Variants in DNAI4 observed in about 807,000 individuals in gnomAD.
The protein encoded by DNAI4 is WD repeat domain 78.
In DNAI4, 85 loss-of-function variants were observed where a neutral mutation model predicts 105.8. That is an observed-to-expected ratio of 0.80 (90% CI 0.67 to 0.96). The LOEUF is 0.96. Ranked by LOEUF, DNAI4 falls within the 40% of genes least tolerant of loss-of-function variation. DNAI4 has a pLI of 0.00. For missense variants in DNAI4, 1,014 were observed against 1,005.6 expected, an observed-to-expected ratio of 1.01 and a Z score of -0.11; for synonymous variants, 352 against 331.5, an observed-to-expected ratio of 1.06 and a Z score of -0.67.
At chr1:66,852,209 T>C (rs1208166835) in intron 7 of DNAI4, among the ~76,000 whole-genome samples, 2 of 151,722 alleles carry the variant, frequency 1.3e-5, no homozygotes, top group African/African-American at 4.8e-5. Context: ...TAATATAATT[T>C]GAATATTAAG....
chr1:66,924,734 C>T lies in DNAI4; in HGVS notation c.98G>A (p.Cys33Tyr). The change falls in exon 1 of 17, where the codon TGC (cysteine) becomes TAC (tyrosine). Residue 33 changes from cysteine to tyrosine, a missense_variant. By Grantham distance (194) the Cys-to-Tyr change is radical. Transcript: ENST00000371026. ...GGTGGCGACCAGCTGGGGAGTGGTGCACCACCCCTTTTTTTGGCCGCCTCT... is the reference window on the plus strand; with the variant it reads ...GGTGGCGACCAGCTGGGGAGTGGTGTACCACCCCTTTTTTTGGCCGCCTCT... The part of the protein sequence containing the change: ...DFRGGQKKGW[C>Y]TTPQLVATMP... 2 of 1,614,070 alleles carry T rather than the reference C, an allele frequency of 1.2e-6. No individual in the cohort carries two copies. Among genetic ancestry groups the T allele is most frequent in the South Asian group, 2.2e-5 (2 of 91,074 alleles).
chr1:66,843,537 T>C (rs1178648144), intron 8 of DNAI4, among the ~76,000 whole-genome samples: 1 of 152,222 alleles, frequency 6.6e-6, no homozygotes, highest in Non-Finnish European at 1.5e-5. Flanking sequence ...TTAATCTTAA[T>C]GAGGCCCAGC....
intron 7 of DNAI4, chr1:66,848,401 C>T: frequency 5.4e-6 from 2 of 372,190 alleles, no homozygotes; most frequent in South Asian, 2.0e-5. Context: ...CTGAAAATCC[C>T]CATTGTAATC....
intron 4 of DNAI4, among the ~76,000 whole-genome samples, chr1:66,877,294 C>A (rs1646977762): frequency 6.6e-6 from 1 of 152,148 alleles, no homozygotes; most frequent in Non-Finnish European, 1.5e-5. Flanking sequence ...CAGAGACAAC[C>A]TGTGCATGAG....
At chr1:66,814,232 G>C in intron 16 of DNAI4, 52 bp from the exon 17 acceptor site, 1 of 1,399,238 alleles carries the variant, frequency 7.1e-7, no homozygotes, top group Non-Finnish European at 9.8e-7. Flanking sequence ...AAATTAAAAG[G>C]TAAAGTAGTC....
chr1:66,911,737 T>C (rs1256744903), intron 1 of DNAI4, among the ~76,000 whole-genome samples: 1 of 152,228 alleles, frequency 6.6e-6, no homozygotes, highest in Non-Finnish European at 1.5e-5. Context: ...ACTCAAAATA[T>C]TGCCTTACTC....
At chr1:66,836,244 A>AAGAG (rs1220960663) in intron 10 of DNAI4, among the ~76,000 whole-genome samples, 17 of 126,976 alleles carry the variant, frequency 1.3e-4, no homozygotes, top group South Asian at 2.4e-4. Context: ...GAAAGAAAGA[A>AAGAG]AGAGAGAGAG....
intron 1 of DNAI4, among the ~76,000 whole-genome samples, chr1:66,914,108 AAAAAAAATAAAAAT>A (rs1649884989): frequency 1.3e-5 from 2 of 152,106 alleles, no homozygotes; most frequent in Middle Eastern, 6.8e-3. Flanking sequence ...CCTCCTTTAG[AAAAAAAATAAAAAT>A]AAAAAAATAA....
intron 13 of DNAI4, chr1:66,828,245 G>T (rs1488450327): frequency 6.3e-6 from 1 of 158,060 alleles, no homozygotes; most frequent in Non-Finnish European, 1.4e-5. Context: ...GGAACTAGCA[G>T]TCCAGGGAAA....
intron 13 of DNAI4, among the ~76,000 whole-genome samples, chr1:66,831,150 C>T (rs1473937948): frequency 1.3e-5 from 2 of 151,566 alleles, no homozygotes; most frequent in African/African-American, 4.8e-5. Flanking sequence ...CCATAATAAC[C>T]CTATATATAT....
intron 1 of DNAI4, among the ~76,000 whole-genome samples, chr1:66,915,061 G>A (rs1483570865): frequency 6.6e-6 from 1 of 152,138 alleles, no homozygotes; most frequent in Admixed American, 6.5e-5. Context: ...AATACTATAA[G>A]GTGTCAAAAT....
chr1:66,882,672 T>C (rs1647099031), intron 4 of DNAI4, among the ~76,000 whole-genome samples: 2 of 152,178 alleles, frequency 1.3e-5, no homozygotes, highest in Admixed American at 1.3e-4. Context: ...TTCCATTTTA[T>C]TTATCAGTGT....
chr1:66,873,302 C>A (rs976904992), intron 5 of DNAI4, among the ~76,000 whole-genome samples: 1 of 150,820 alleles, frequency 6.6e-6, no homozygotes, highest in Non-Finnish European at 1.5e-5. Context: ...AATGCAATGG[C>A]ATGAACACAG....
At chr1:66,898,082 G>A (rs1648481795) in intron 2 of DNAI4, among the ~76,000 whole-genome samples, 1 of 152,188 alleles carries the variant, frequency 6.6e-6, no homozygotes, top group African/African-American at 2.4e-5. Context: ...AGTACATGGA[G>A]TCAAAAGATA....
At chr1:66,918,001 G>A (rs190123640) in intron 1 of DNAI4, among the ~76,000 whole-genome samples, 69 of 152,342 alleles carry the variant, frequency 4.5e-4, no homozygotes, top group African/African-American at 1.5e-3. Flanking sequence ...AGGCCCAGAA[G>A]CCTCAGGTTT....
intron 3 of DNAI4, among the ~76,000 whole-genome samples, chr1:66,891,976 G>C (rs751262320): frequency 2.6e-5 from 4 of 151,874 alleles, no homozygotes; most frequent in Non-Finnish European, 5.9e-5. Flanking sequence ...TCTTCCTTTT[G>C]TTTTTCACTT....
intron 13 of DNAI4, among the ~76,000 whole-genome samples, chr1:66,832,666 T>C (rs1473881934): frequency 1.3e-5 from 2 of 151,920 alleles, no homozygotes; most frequent in African/African-American, 4.8e-5. Context: ...ACTAAAAGAG[T>C]ATAATTGGAT....
At chr1:66,869,243 C>T (rs1435989648) in intron 6 of DNAI4, among the ~76,000 whole-genome samples, 1 of 151,530 alleles carries the variant, frequency 6.6e-6, no homozygotes. Flanking sequence ...TTGATCTAGG[C>T]CATTTTAAAA....
intron 1 of DNAI4, among the ~76,000 whole-genome samples, chr1:66,924,338 C>T (rs755072162): frequency 2.6e-4 from 39 of 152,098 alleles, no homozygotes; most frequent in Non-Finnish European, 4.1e-4. Flanking sequence ...GTCCGGCTAA[C>T]TTTTTGTATT....
Sources: gnomAD v4.1 joint callset for allele counts (sites outside exome capture counted in the v4.1 genomes callset) on GRCh38, gnomAD v4.1.1 for gene constraint, MANE v1.5 for transcripts, NCBI Gene and HGNC (gene_info 2026-07-23, HGNC 2026-07-21) for gene names.